The following POLE4 variants were observed in gnomAD, a reference collection of about 807,000 sequenced individuals.
The protein encoded by POLE4 is DNA polymerase epsilon subunit 4.
A neutral mutation model predicts 15.6 loss-of-function variants in POLE4; 15 were observed. That is an observed-to-expected ratio of 0.96 (90% CI 0.64 to 1.48). POLE4 has a LOEUF of 1.48. POLE4 is among the 40% of genes most tolerant of loss of function. POLE4 has a pLI of 0.00. For missense variants in POLE4, 205 were observed against 151.9 expected (o/e 1.35, Z -1.84); for synonymous variants, 83 against 63.2 (o/e 1.31, Z -1.49).
chr2:74,966,502 A>G (rs1291045775), intron 3 of POLE4, among the ~76,000 whole-genome samples: 1 of 152,160 alleles, frequency 6.6e-6, no homozygotes, highest in Non-Finnish European at 1.5e-5. Context: ...CCTGGGTTCA[A>G]GTGATTCTCA....
In POLE4 at chr2:74,969,604, A is replaced by G. The variant is rs7881; in HGVS notation, c.*182A>G. On this transcript the variant is annotated 3_prime_UTR_variant, in exon 4 of 4. Coordinates refer to ENST00000483063, the MANE Select transcript of POLE4 (RefSeq NM_019896.4). ...GCTCTTCTCTGCAAGGTCTTCCACT[A>G]TTTCTGTCTGTCTTCCATATCAAGC... 177,417 of 654,540 alleles carry G rather than the reference A, an allele frequency of 0.27. 26,067 individuals are homozygous for G. Among genetic ancestry groups the G allele is most frequent in the Admixed American group, 0.44 (18,268 of 41,940 alleles). The allele number at this position is 654,540 out of a possible 1,614,324, so 40.5% of individuals were successfully genotyped here.
At chr2:74,959,195 AT>A in intron 1 of POLE4, 145 bp from the exon 2 acceptor site, 1 of 627,594 alleles carries the variant, frequency 1.6e-6, no homozygotes, top group South Asian at 2.0e-5. Context: ...ATGGATCTTC[AT>A]GAAGTCCAGG....
intron 2 of POLE4, chr2:74,959,773 C>G (rs1366616490): frequency 6.7e-6 from 3 of 447,360 alleles, no homozygotes; most frequent in Non-Finnish European, 1.2e-5. Flanking sequence ...TTTCGTATAC[C>G]GTATTCTCAT....
At chr2:74,966,482 A>C (rs1671298024) in intron 3 of POLE4, among the ~76,000 whole-genome samples, 2 of 152,094 alleles carry the variant, frequency 1.3e-5, no homozygotes, top group South Asian at 4.1e-4. Flanking sequence ...GCTCACTGCA[A>C]CCTCTGCCTC....
At chr2:74,960,220 A>G in intron 3 of POLE4, 74 bp downstream of exon 3, 12 of 1,197,594 alleles carry the variant, frequency 1.0e-5, no homozygotes, top group Non-Finnish European at 1.4e-5. Flanking sequence ...AATCTCATAA[A>G]ACGGATGCCT....
chr2:74,960,892 T>A (rs3771801), intron 3 of POLE4, among the ~76,000 whole-genome samples: 119,095 of 152,236 alleles, frequency 0.78, 47,260 homozygotes, highest in African/African-American at 0.9. Flanking sequence ...ATGTTTAGAT[T>A]TGTTTAAATA....
At chr2:74,958,913 C>A (rs754546315) in intron 1 of POLE4, 21 bp downstream of exon 1, 15 of 1,536,496 alleles carry the variant, frequency 9.8e-6, no homozygotes, top group Non-Finnish European at 1.3e-5. Flanking sequence ...AGCGCGAGGG[C>A]ATGCGGGAGT....
chr2:74,959,181 C>G (rs1671176292), intron 1 of POLE4, 160 bp from the exon 2 acceptor site: 1 of 621,368 alleles, frequency 1.6e-6, no homozygotes, highest in Non-Finnish European at 2.9e-6. Context: ...AAGAGGGTAG[C>G]GGAATGGATC....
chr2:74,959,665 T>C, intron 2 of POLE4: 1 of 454,740 alleles, frequency 2.2e-6, no homozygotes. Flanking sequence ...TCATACCTTC[T>C]GCCAAATTGC....
At chr2:74,959,963 G>C in intron 2 of POLE4, 142 bp from the exon 3 acceptor site, 2 of 684,350 alleles carry the variant, frequency 2.9e-6, no homozygotes, top group African/African-American at 3.6e-5. Flanking sequence ...AGTAGATATG[G>C]ATCTCAAGGC....
At chr2:74,967,527 G>A (rs1671313848) in intron 3 of POLE4, among the ~76,000 whole-genome samples, 1 of 151,906 alleles carries the variant, frequency 6.6e-6, no homozygotes, top group South Asian at 2.1e-4. Context: ...GTTTTATAGT[G>A]AATGTTCCAT....
chr2:74,961,883 T>C (rs1671225639), intron 3 of POLE4, among the ~76,000 whole-genome samples: 1 of 152,232 alleles, frequency 6.6e-6, no homozygotes, highest in Admixed American at 6.5e-5. Context: ...AATGTTCTTA[T>C]GTCCTTAGGT....
At chr2:74,960,179 C>G in intron 3 of POLE4, 33 bp downstream of exon 3, 4 of 1,574,458 alleles carry the variant, frequency 2.5e-6, no homozygotes, top group Non-Finnish European at 8.7e-7. Context: ...ATCATTTCCG[C>G]CTGTCTTTTG....
chr2:74,968,047 C>T (rs1226303761), intron 3 of POLE4, among the ~76,000 whole-genome samples: 1 of 152,166 alleles, frequency 6.6e-6, no homozygotes, highest in Non-Finnish European at 1.5e-5. Context: ...AGTTTCTCAG[C>T]TTTTTCAGAT....
chr2:74,968,314 G>T (rs1290180088), intron 3 of POLE4, among the ~76,000 whole-genome samples: 2 of 151,442 alleles, frequency 1.3e-5, no homozygotes, highest in Non-Finnish European at 2.9e-5. Context: ...ATATTATCTA[G>T]GTCATTAAAA....
chr2:74,959,985 C>T, intron 2 of POLE4, 120 bp from the exon 3 acceptor site: 1 of 748,862 alleles, frequency 1.3e-6, no homozygotes, highest in Non-Finnish European at 2.4e-6. Context: ...GCAAGGGACG[C>T]ATCTTATAAA....
intron 3 of POLE4, among the ~76,000 whole-genome samples, chr2:74,968,795 C>T (rs984281314): frequency 6.6e-6 from 1 of 151,944 alleles, no homozygotes; most frequent in African/African-American, 2.4e-5. Flanking sequence ...GGAGCTTCCT[C>T]ATGGTTCTTT....
At chr2:74,963,394 T>G (rs1191419419) in intron 3 of POLE4, among the ~76,000 whole-genome samples, 1 of 152,242 alleles carries the variant, frequency 6.6e-6, no homozygotes. Flanking sequence ...GGGCGTCTTT[T>G]CATATACATG....
intron 3 of POLE4, among the ~76,000 whole-genome samples, chr2:74,969,048 A>G (rs1320644257): frequency 6.6e-6 from 1 of 152,170 alleles, no homozygotes; most frequent in African/African-American, 2.4e-5. Flanking sequence ...CCCATCTGGA[A>G]CTGAAACTTT....
Sources: allele counts gnomAD v4.1 joint callset (sites outside exome capture counted in the v4.1 genomes callset), GRCh38; gene constraint gnomAD v4.1.1; transcripts MANE v1.5; gene names NCBI Gene and HGNC (gene_info 2026-07-23, HGNC 2026-07-21).